The following ARHGAP20 variants were observed in gnomAD, a reference collection of about 807,000 sequenced individuals.
ARHGAP20 encodes Rho GTPase activating protein 20.
In ARHGAP20, 34 loss-of-function variants were observed where a neutral mutation model predicts 73.7. The observed-to-expected ratio is 0.46, with a 90% confidence interval of 0.35 to 0.61. The LOEUF is 0.61. Ranked by LOEUF, ARHGAP20 falls within the 20% of genes least tolerant of loss-of-function variation. The pLI is 0.00. For synonymous variants in ARHGAP20, 523 were observed against 518.2 expected (o/e 1.01, Z -0.13); for missense variants, 1,314 against 1,420.9 (o/e 0.92, Z 1.21).
intron 11 of ARHGAP20, among the ~76,000 whole-genome samples, chr11:110,588,435 G>C (rs1947730383): frequency 6.6e-6 from 1 of 152,050 alleles, no homozygotes; most frequent in African/African-American, 2.4e-5. Context: ...AGCAAAACCA[G>C]CATAAGTGAA....
intron 2 of ARHGAP20, among the ~76,000 whole-genome samples, chr11:110,683,526 T>G (rs759993195): frequency 6.6e-6 from 1 of 152,110 alleles, no homozygotes; most frequent in Non-Finnish European, 1.5e-5. Flanking sequence ...CAACAAATAA[T>G]AACTGAACAG....
rs149308514 is a variant in ARHGAP20 at position 110,652,638 on chromosome 11, C to T, written c.189-21846G>A. Among the ~76,000 whole-genome samples, 396 of 152,006 alleles carry T rather than the reference C, an allele frequency of 2.6e-3. 3 individuals carry two copies. The highest frequency in any genetic ancestry group is 8.9e-3 in the African/African-American group (368 of 41,472). ...TCATGAATGAACTTCCATTCACAAT[C>T]GCTACAAAGAGAATAAAATACCTAA... On this transcript the variant is annotated intron_variant, in intron 2 of 14. Coordinates refer to ENST00000683387, the MANE Select transcript of ARHGAP20 (RefSeq NM_001384657.1).
chr11:110,667,792 A>T lies in ARHGAP20; in HGVS notation c.188+22755T>A, dbSNP rs372892119. On this transcript the variant is annotated intron_variant, in intron 2 of 14. Coordinates refer to ENST00000683387, the MANE Select transcript of ARHGAP20 (RefSeq NM_001384657.1). ...AAGAAGTTGATTCCAACCCTCATGG[A>T]TGACTTTGAGGAGTTCAAGACTCCA... is the stretch of plus-strand genomic sequence containing the variant. 1.2e-4 allele frequency among the ~76,000 whole-genome samples: 18 copies of T among 152,302 alleles called. No individual in the cohort carries two copies. The East Asian group carries it at 3.3e-3, about 28-fold the overall frequency.
At chr11:110,680,101 T>G (rs1950009804) in intron 2 of ARHGAP20, among the ~76,000 whole-genome samples, 1 of 152,162 alleles carries the variant, frequency 6.6e-6, no homozygotes, top group South Asian at 2.1e-4. Flanking sequence ...TTTAATAATT[T>G]TATTTAATGA....
chr11:110,632,189 G>T (rs1001697512), intron 2 of ARHGAP20, among the ~76,000 whole-genome samples: 1 of 151,982 alleles, frequency 6.6e-6, no homozygotes, highest in East Asian at 1.9e-4. Context: ...TTTCTCTTGG[G>T]TAAATACCTC....
chr11:110,626,815 C>G (rs1364987387), intron 3 of ARHGAP20, among the ~76,000 whole-genome samples: 1 of 151,914 alleles, frequency 6.6e-6, no homozygotes, highest in African/African-American at 2.4e-5. Flanking sequence ...CTCATGAACA[C>G]TTATGAACAT....
At position 110,579,626 on chromosome 11, in the gene ARHGAP20, G is replaced by C. The variant is rs763579927; in HGVS notation, c.3320C>G (p.Ala1107Gly). 6.2e-7 allele frequency: 1 copy of C among 1,614,166 alleles called. No homozygotes were observed. The highest frequency in any genetic ancestry group is 1.7e-5 in the Admixed American group (1 of 60,026). ...AAEGLSPVQS[A>G]QRCSSSPFQD... ...GAAGGGAGAAGAACTACACCTTTGGGCTGACTGCACAGGGGACAGTCCTTC... is the reference window on the plus strand; with the variant it reads ...GAAGGGAGAAGAACTACACCTTTGGCCTGACTGCACAGGGGACAGTCCTTC... Residue 1107 changes from alanine to glycine, a missense_variant, in exon 15 of 15, where the codon GCC becomes GGC. Ala to Gly is a moderately conservative substitution (Grantham distance 60). Transcript: ENST00000683387.
At chr11:110,683,207 A>C (rs1357268188) in intron 2 of ARHGAP20, among the ~76,000 whole-genome samples, 1 of 152,168 alleles carries the variant, frequency 6.6e-6, no homozygotes, top group East Asian at 1.9e-4. Context: ...AGTTTGTATG[A>C]CTTGAATTCA....
intron 2 of ARHGAP20, among the ~76,000 whole-genome samples, chr11:110,631,129 AT>A (rs1388428358): frequency 6.6e-6 from 1 of 152,198 alleles, no homozygotes; most frequent in Non-Finnish European, 1.5e-5. Flanking sequence ...GGCAGTACAC[AT>A]CCCCCTGAAT....
chr11:110,670,233 C>T (rs1949801765), intron 2 of ARHGAP20, among the ~76,000 whole-genome samples: 1 of 151,838 alleles, frequency 6.6e-6, no homozygotes, highest in South Asian at 2.1e-4. Context: ...ATAAATCTCT[C>T]AAAAATAAAT....
At chr11:110,698,786 T>C (rs1312316627) in intron 1 of ARHGAP20, among the ~76,000 whole-genome samples, 1 of 151,914 alleles carries the variant, frequency 6.6e-6, no homozygotes, top group Non-Finnish European at 1.5e-5. Context: ...TTTCCGGTTG[T>C]ACTTATTTGA....
intron 2 of ARHGAP20, among the ~76,000 whole-genome samples, chr11:110,689,652 C>T (rs1210279440): frequency 2.0e-5 from 3 of 152,124 alleles, no homozygotes; most frequent in Non-Finnish European, 4.4e-5. Flanking sequence ...CTCCCCGCAA[C>T]ACACACCAGG....
At chr11:110,643,005 T>G (rs985895289) in intron 2 of ARHGAP20, among the ~76,000 whole-genome samples, 1 of 152,090 alleles carries the variant, frequency 6.6e-6, no homozygotes, top group Non-Finnish European at 1.5e-5. Context: ...GGTTCAATCT[T>G]GAGAGGCTGT....
At chr11:110,602,722 A>G (rs1361815685) in intron 9 of ARHGAP20, among the ~76,000 whole-genome samples, 1 of 152,218 alleles carries the variant, frequency 6.6e-6, no homozygotes, top group Non-Finnish European at 1.5e-5. Flanking sequence ...TAGGAGTAAT[A>G]TCAATAGTAA....
intron 2 of ARHGAP20, among the ~76,000 whole-genome samples, chr11:110,632,650 C>G (rs1948883249): frequency 6.6e-6 from 1 of 152,194 alleles, no homozygotes; most frequent in Non-Finnish European, 1.5e-5. Flanking sequence ...GATGATCTGC[C>G]TGCCTTGGCC....
chr11:110,680,869 C>T (rs1197178012), intron 2 of ARHGAP20, among the ~76,000 whole-genome samples: 1 of 152,130 alleles, frequency 6.6e-6, no homozygotes, highest in Non-Finnish European at 1.5e-5. Flanking sequence ...AACCTTTTGT[C>T]TAACAAAGTA....
intron 2 of ARHGAP20, among the ~76,000 whole-genome samples, chr11:110,667,138 T>G (rs191855202): frequency 6.6e-6 from 1 of 152,194 alleles, no homozygotes; most frequent in Admixed American, 6.5e-5. Flanking sequence ...TTGATGAAAA[T>G]GGCTACACTA....
chr11:110,648,126 A>T (rs908114036), intron 2 of ARHGAP20, among the ~76,000 whole-genome samples: 2 of 146,546 alleles, frequency 1.4e-5, no homozygotes, highest in Admixed American at 1.4e-4. Flanking sequence ...CCTTTTTACC[A>T]AACCCAAACT....
At chr11:110,681,758 A>G (rs1010855544) in intron 2 of ARHGAP20, among the ~76,000 whole-genome samples, 2 of 152,188 alleles carry the variant, frequency 1.3e-5, no homozygotes, top group African/African-American at 4.8e-5. Flanking sequence ...AACAGGAGTG[A>G]ATGAACCCAA....
Sources: allele counts gnomAD v4.1 joint callset (sites outside exome capture counted in the v4.1 genomes callset), GRCh38; gene constraint gnomAD v4.1.1; transcripts MANE v1.5; gene names NCBI Gene and HGNC (gene_info 2026-07-23, HGNC 2026-07-21).